RGS7BP: variants seen among roughly 807,000 people sequenced by gnomAD.
The protein encoded by RGS7BP is regulator of G protein signaling 7 binding protein, also known as regulator of G protein signaling 7-binding protein.
A neutral mutation model predicts 31.3 loss-of-function variants in RGS7BP; 9 were observed. The ratio of observed to expected loss-of-function variants is 0.29; its 90% CI spans 0.17 to 0.50. The LOEUF (loss-of-function observed/expected upper bound fraction) is 0.50, where lower values mean the gene tolerates loss of function less well. RGS7BP is among the 20% of genes least tolerant of loss of function. RGS7BP has a pLI of 0.98. For missense variants in RGS7BP, 274 were observed against 322.0 expected, an observed-to-expected ratio of 0.85 and a Z score of 1.14; for synonymous variants, 115 against 120.1, an observed-to-expected ratio of 0.96 and a Z score of 0.28.
chr5:64,548,815 G>A (rs1053796782), intron 2 of RGS7BP, among the ~76,000 whole-genome samples: 2 of 144,424 alleles, frequency 1.4e-5, no homozygotes, highest in Non-Finnish European at 3.0e-5. Flanking sequence ...CCTTGTTCTT[G>A]TTTTTCTAAA....
At position 64,506,824 on chromosome 5, in the gene RGS7BP, T is replaced by TC; in HGVS notation, c.165+35_165+36insC. On this transcript the variant is annotated intron_variant, in intron 1 of 5. Coordinates refer to ENST00000334025, the MANE Select transcript of RGS7BP (RefSeq NM_001029875.3). The surrounding 1 kb of genome is among the most constrained non-coding windows in gnomAD (Gnocchi z 4.6). ...AACTGCGCCTCTTTTTTTTTTTTTT[T>TC]AATTGAGAGGGGGTGGGGGGAGTCA... 2 of 1,494,486 alleles carry TC rather than the reference T, an allele frequency of 1.3e-6. No individual in the cohort carries two copies. The highest frequency in any genetic ancestry group is 1.8e-6 in the Non-Finnish European group (2 of 1,106,592). The allele number at this position is 1,494,486 out of a possible 1,614,324, so 92.6% of individuals were successfully genotyped here. A position where few individuals can be genotyped will look rare whatever the true frequency, so the allele number is the denominator to read the frequency against.
chr5:64,557,393 C>T (rs1468160493), intron 2 of RGS7BP, among the ~76,000 whole-genome samples: 3 of 152,150 alleles, frequency 2.0e-5, no homozygotes, highest in Non-Finnish European at 4.4e-5. Flanking sequence ...ATCCCTCCCA[C>T]TCTCTAATGA....
chr5:64,548,571 G>A (rs373069381), intron 2 of RGS7BP, among the ~76,000 whole-genome samples: 1 of 152,018 alleles, frequency 6.6e-6, no homozygotes, highest in East Asian at 1.9e-4. Context: ...GTGCAGTGGC[G>A]TGATCTCGGC....
intron 2 of RGS7BP, among the ~76,000 whole-genome samples, chr5:64,573,166 T>A (rs4454024): frequency 6.6e-6 from 1 of 151,496 alleles, no homozygotes; most frequent in Non-Finnish European, 1.5e-5. Flanking sequence ...TTTTATGGCT[T>A]CATAGTATTC....
intron 3 of RGS7BP, among the ~76,000 whole-genome samples, chr5:64,588,895 T>C (rs2111940288): frequency 6.6e-6 from 1 of 151,954 alleles, no homozygotes; most frequent in East Asian, 1.9e-4. Context: ...GAGAAATTGA[T>C]AATCAAGAAA....
At chr5:64,564,359 G>T (rs1742122187) in intron 2 of RGS7BP, among the ~76,000 whole-genome samples, 1 of 152,072 alleles carries the variant, frequency 6.6e-6, no homozygotes, top group Non-Finnish European at 1.5e-5. Context: ...ATGCTTCTTG[G>T]TTAAGTGATA....
chr5:64,554,759 T>C lies in RGS7BP; in HGVS notation c.333-21015T>C, dbSNP rs114543426. Among the ~76,000 whole-genome samples the C allele has an allele frequency of 6.3e-3, 952 of 152,292 alleles. 9 individuals are homozygous for C. The highest frequency in any genetic ancestry group is 0.019 in the African/African-American group (803 of 41,568). On this transcript the variant is annotated intron_variant, in intron 2 of 5. Coordinates refer to ENST00000334025, the MANE Select transcript of RGS7BP (RefSeq NM_001029875.3). ...AAGTGCTTTAGTTAATACCATTACC[T>C]GTTAATGACTTAGAATAAATATGTC... is the stretch of plus-strand genomic sequence containing the variant.
chr5:64,605,489 G>C lies in RGS7BP; in HGVS notation c.683-3672G>C, dbSNP rs6887053. 1.7e-3 allele frequency among the ~76,000 whole-genome samples: 257 copies of C among 152,234 alleles called. 1 individual carries two copies. Among genetic ancestry groups the C allele is most frequent in the African/African-American group, 5.9e-3 (246 of 41,542 alleles). On this transcript the variant is annotated intron_variant, in intron 5 of 5. Transcript: ENST00000334025. ...CTGCTGAGATAGGCTTTCAGAGACAGGATTTCAATCAATGTGGAGAGACAC... is the reference window on the plus strand; with the variant it reads ...CTGCTGAGATAGGCTTTCAGAGACACGATTTCAATCAATGTGGAGAGACAC...
intron 3 of RGS7BP, among the ~76,000 whole-genome samples, chr5:64,579,750 G>A (rs931135415): frequency 2.0e-5 from 3 of 151,814 alleles, no homozygotes; most frequent in African/African-American, 7.3e-5. Flanking sequence ...TTGGGGAGGG[G>A]TGATTACATT....
intron 2 of RGS7BP, among the ~76,000 whole-genome samples, chr5:64,512,546 A>T (rs1748867501): frequency 6.6e-6 from 1 of 152,248 alleles, no homozygotes; most frequent in Admixed American, 6.5e-5. Flanking sequence ...TAATGGGACC[A>T]GAGTATATGG....
At chr5:64,576,504 C>T (rs1332294120) in intron 3 of RGS7BP, among the ~76,000 whole-genome samples, 1 of 152,200 alleles carries the variant, frequency 6.6e-6, no homozygotes, top group Non-Finnish European at 1.5e-5. Flanking sequence ...GAGCTGGCTT[C>T]CCTCACATTA....
In RGS7BP at chr5:64,560,933, C is replaced by T. The variant is rs1024245458; in HGVS notation, c.333-14841C>T. Among the ~76,000 whole-genome samples the T allele has an allele frequency of 7.9e-5, 12 of 152,086 alleles. No homozygotes were observed. In the South Asian group the frequency reaches 2.1e-3, roughly 26 times the overall value. Reference sequence around the variant, plus strand: ...CACTGATGCCACCTTCCCATTTTTCCCTTAATGCATTCATTTTTGTGTGTG... The same window carrying T: ...CACTGATGCCACCTTCCCATTTTTCTCTTAATGCATTCATTTTTGTGTGTG... On this transcript the variant is annotated intron_variant, in intron 2 of 5. Transcript: ENST00000334025.
chr5:64,557,529 T>C (rs1741956497), intron 2 of RGS7BP, among the ~76,000 whole-genome samples: 2 of 152,172 alleles, frequency 1.3e-5, no homozygotes, highest in South Asian at 2.1e-4. Context: ...CAGCGGAGGC[T>C]GCAGCCTGAC....
chr5:64,579,217 T>G (rs1268826165), intron 3 of RGS7BP, among the ~76,000 whole-genome samples: 1 of 151,934 alleles, frequency 6.6e-6, no homozygotes, highest in Non-Finnish European at 1.5e-5. Context: ...TCAATTAAGT[T>G]AGGAGTAAAG....
At chr5:64,531,143 G>C (rs980015323) in intron 2 of RGS7BP, among the ~76,000 whole-genome samples, 4 of 152,226 alleles carry the variant, frequency 2.6e-5, no homozygotes, top group African/African-American at 4.8e-5. Flanking sequence ...TTCTTCTATA[G>C]TGGACATTGT....
At chr5:64,560,154 C>T (rs1036306215) in intron 2 of RGS7BP, among the ~76,000 whole-genome samples, 1 of 152,116 alleles carries the variant, frequency 6.6e-6, no homozygotes, top group African/African-American at 2.4e-5. Context: ...CAAACTTTAA[C>T]CTTATGGTAC....
At chr5:64,546,014 C>CATG (rs1308821748) in intron 2 of RGS7BP, among the ~76,000 whole-genome samples, 1 of 151,934 alleles carries the variant, frequency 6.6e-6, no homozygotes, top group Non-Finnish European at 1.5e-5. Context: ...ATTAGCCAGG[C>CATG]GTGGTGGTGT....
intron 2 of RGS7BP, among the ~76,000 whole-genome samples, chr5:64,545,387 A>G (rs1292889178): frequency 6.6e-6 from 1 of 152,078 alleles, no homozygotes; most frequent in Non-Finnish European, 1.5e-5. Flanking sequence ...CGTTGTGCAC[A>G]TGTACCCTAA....
At chr5:64,607,462 G>A (rs919969236) in intron 5 of RGS7BP, among the ~76,000 whole-genome samples, 5 of 152,112 alleles carry the variant, frequency 3.3e-5, no homozygotes, top group African/African-American at 4.8e-5. Flanking sequence ...CTGGAAAAGC[G>A]GGACAACTGG....
Sources: allele counts gnomAD v4.1 joint callset (sites outside exome capture counted in the v4.1 genomes callset), GRCh38; gene constraint gnomAD v4.1.1; non-coding constraint Gnocchi (gnomAD v3.1); transcripts MANE v1.5; gene names NCBI Gene and HGNC (gene_info 2026-07-23, HGNC 2026-07-21).